The following IGSF21 variants were observed in gnomAD, a reference collection of about 807,000 sequenced individuals.
IGSF21 encodes the protein immunoglobin superfamily member 21.
In IGSF21, 28 loss-of-function variants were observed where a neutral mutation model predicts 46.8. The observed-to-expected ratio is 0.60, with a 90% CI of 0.44 to 0.82. The LOEUF is 0.82. Ranked by LOEUF, IGSF21 falls within the 40% of genes least tolerant of loss-of-function variation. IGSF21 has a pLI of 0.00. For synonymous variants in IGSF21, 284 were observed against 273.6 expected, an observed-to-expected ratio of 1.04 and a Z score of -0.38; for missense variants, 624 against 665.5, an observed-to-expected ratio of 0.94 and a Z score of 0.69.
At chr1:18,329,402 T>C (rs2085690476) in intron 3 of IGSF21, among the ~76,000 whole-genome samples, 1 of 152,210 alleles carries the variant, frequency 6.6e-6, no homozygotes. Context: ...CATCACATGC[T>C]AGTCAGGTGC....
In IGSF21 at chr1:18,359,375, A is replaced by G. The variant is rs200118530; in HGVS notation, c.425-2740A>G. On this transcript the variant is annotated intron_variant, in intron 4 of 9. Transcript: ENST00000251296. The stretch of plus-strand genomic sequence containing the variant: ...GAAAGAAAGAAAGAAAGAAAGAAAG[A>G]AAGAAAGAAAGGAAGGAAGGAAGGA... Among the ~76,000 whole-genome samples the G allele has an allele frequency of 2.5e-3, 240 of 97,064 alleles. 5 individuals carry two copies. The highest frequency in any genetic ancestry group is 3.3e-3 in the African/African-American group (76 of 23,246). 63.7% of individuals were successfully genotyped at this position (97,064 alleles called of 152,430 possible). A position where few individuals can be genotyped will look rare whatever the true frequency, so the allele number is the denominator to read the frequency against.
intron 4 of IGSF21, among the ~76,000 whole-genome samples, chr1:18,339,198 G>A (rs1275725508): frequency 6.6e-6 from 1 of 152,206 alleles, no homozygotes; most frequent in African/African-American, 2.4e-5. Flanking sequence ...CAGAGGCTCC[G>A]AGAGTTTAAG....
chr1:18,186,414 T>C (rs2086903381), intron 1 of IGSF21, among the ~76,000 whole-genome samples: 1 of 152,066 alleles, frequency 6.6e-6, no homozygotes, highest in African/African-American at 2.4e-5. Flanking sequence ...TGGAAATCAC[T>C]CCTCATACCT....
intron 1 of IGSF21, among the ~76,000 whole-genome samples, chr1:18,206,363 A>T (rs969907336): frequency 6.6e-6 from 1 of 152,110 alleles, no homozygotes; most frequent in Non-Finnish European, 1.5e-5. Context: ...AGCCTGGGCA[A>T]CATAATGACA....
intron 1 of IGSF21, among the ~76,000 whole-genome samples, chr1:18,150,107 C>T (rs9727352): frequency 0.39 from 59,108 of 151,808 alleles, 11,946 homozygotes; most frequent in East Asian, 0.58. Flanking sequence ...AAAAATTAGC[C>T]GGGTGCAGTG....
intron 6 of IGSF21, among the ~76,000 whole-genome samples, chr1:18,373,419 A>G (rs1248514166): frequency 1.3e-5 from 2 of 152,160 alleles, no homozygotes; most frequent in Non-Finnish European, 2.9e-5. Context: ...GAGTGTCAGG[A>G]GGCTGAGGGT....
chr1:18,237,167 A>G (rs1228732610), intron 2 of IGSF21, among the ~76,000 whole-genome samples: 1 of 152,204 alleles, frequency 6.6e-6, no homozygotes, highest in Non-Finnish European at 1.5e-5. Context: ...CTCATCGAGA[A>G]TGTGAAAGTG....
rs1464726645 is a variant in IGSF21 at position 18,109,434 on chromosome 1, G to T, written c.70+1236G>T. ...CGAGCCCCACTGGATGATAGAGGTG[G>T]GCATCACCTCTGTCCTATGCCATAG... On this transcript the variant is annotated intron_variant, in intron 1 of 9. Transcript: ENST00000251296. This position sits in a 1 kb window ranked among gnomAD's most constrained non-coding sequence, Gnocchi z 4.8. 1 of 152,114 alleles carries T rather than the reference G, an allele frequency of 6.6e-6. No individual in the cohort carries two copies. Among genetic ancestry groups the T allele is most frequent in the Non-Finnish European group, 1.5e-5 (1 of 68,030 alleles). 9.4% of individuals were successfully genotyped at this position (152,114 alleles called of 1,614,324 possible). A position where few individuals can be genotyped will look rare whatever the true frequency, so the allele number is the denominator to read the frequency against.
intron 1 of IGSF21, among the ~76,000 whole-genome samples, chr1:18,202,072 C>T (rs1384708514): frequency 2.0e-5 from 3 of 152,186 alleles, no homozygotes; most frequent in Non-Finnish European, 1.5e-5. Context: ...TCTGCTTCCA[C>T]GCACCCTGCT....
chr1:18,305,546 T>TGATGGATGGATGGATGGATG (rs151122242), intron 3 of IGSF21, among the ~76,000 whole-genome samples: 6 of 123,902 alleles, frequency 4.8e-5, no homozygotes, highest in Non-Finnish European at 6.9e-5. Flanking sequence ...GATGGATGGA[T>TGATGGATGGATGGATGGATG]GATGGATGGA....
chr1:18,144,613 G>A (rs562392718), intron 1 of IGSF21, among the ~76,000 whole-genome samples: 2 of 152,194 alleles, frequency 1.3e-5, no homozygotes, highest in Admixed American at 1.3e-4. Flanking sequence ...AGGTGACTTG[G>A]TCTAACCAGA....
chr1:18,146,338 G>A (rs1338091965), intron 1 of IGSF21, among the ~76,000 whole-genome samples: 3 of 152,106 alleles, frequency 2.0e-5, no homozygotes, highest in African/African-American at 7.2e-5. Flanking sequence ...TGTACCAAGA[G>A]GGGGATGGGT....
At chr1:18,300,865 G>T (rs903392037) in intron 3 of IGSF21, among the ~76,000 whole-genome samples, 1 of 152,066 alleles carries the variant, frequency 6.6e-6, no homozygotes, top group African/African-American at 2.4e-5. Context: ...GCAACGCTCC[G>T]CTCAGACTGC....
At chr1:18,305,883 AG>A (rs2085421539) in intron 3 of IGSF21, among the ~76,000 whole-genome samples, 1 of 152,198 alleles carries the variant, frequency 6.6e-6, no homozygotes, top group Admixed American at 6.5e-5. Flanking sequence ...GGACACATTG[AG>A]TAACTTGCTT....
At chr1:18,316,329 A>G (rs1050199152) in intron 3 of IGSF21, among the ~76,000 whole-genome samples, 5 of 152,190 alleles carry the variant, frequency 3.3e-5, no homozygotes, top group Non-Finnish European at 5.9e-5. Context: ...TTATTGGAGA[A>G]TGGAAGTCTC....
At chr1:18,314,335 T>C (rs564775799) in intron 3 of IGSF21, among the ~76,000 whole-genome samples, 1 of 152,248 alleles carries the variant, frequency 6.6e-6, no homozygotes, top group African/African-American at 2.4e-5. Context: ...CAGGACTCTT[T>C]CTCCAACCCA....
rs1020721064 is a variant in IGSF21, at chr1:18,227,185, G to A, written c.71-713G>A. Among the ~76,000 whole-genome samples the A allele has an allele frequency of 4.6e-5, 7 of 152,156 alleles. No individual in the cohort carries two copies. In the South Asian group the frequency reaches 6.2e-4, roughly 14 times the overall value. ...ACTGCCATGGCCAAGGCTTGGACCC[G>A]ACCCTCCCTTTAGGTGGCAAAGTAT... On this transcript the variant is annotated intron_variant, in intron 1 of 9. Coordinates refer to ENST00000251296, the MANE Select transcript of IGSF21 (RefSeq NM_032880.5).
At position 18,290,400 on chromosome 1, in the gene IGSF21, C is replaced by T. The variant is rs1280419691; in HGVS notation, c.184-1466C>T. 2.0e-5 allele frequency among the ~76,000 whole-genome samples: 3 copies of T among 152,256 alleles called. No homozygotes were observed. Among genetic ancestry groups the T allele is most frequent in the East Asian group, 3.9e-4 (2 of 5,168 alleles). On this transcript the variant is annotated intron_variant, in intron 2 of 9. Transcript: ENST00000251296. This position sits in a 1 kb window ranked among gnomAD's most constrained non-coding sequence, Gnocchi z 4.2. Reference sequence around the variant, plus strand: ...GGCTTACGGAGGGGTAAGGAGAAGCCGTGCCCTGGGAAGTCTCACTGCCGC... The same window carrying T: ...GGCTTACGGAGGGGTAAGGAGAAGCTGTGCCCTGGGAAGTCTCACTGCCGC...
chr1:18,362,093 C>T (rs2086106908), intron 4 of IGSF21, 22 bp from the exon 5 acceptor site: 2 of 1,533,354 alleles, frequency 1.3e-6, no homozygotes, highest in South Asian at 2.3e-5. Context: ...CCCTTGTCTT[C>T]CTGTGCTTCC....
Sources: allele counts gnomAD v4.1 joint callset (sites outside exome capture counted in the v4.1 genomes callset), GRCh38; gene constraint gnomAD v4.1.1; non-coding constraint Gnocchi (gnomAD v3.1); transcripts MANE v1.5; gene names NCBI Gene and HGNC (gene_info 2026-07-23, HGNC 2026-07-21).